SPATS2L: variants seen among roughly 807,000 people sequenced by gnomAD.
SPATS2L encodes the protein spermatogenesis associated serine rich 2 like.
SPATS2L carries 30 observed loss-of-function variants against 59.6 expected under a neutral mutation model. The ratio of observed to expected loss-of-function variants is 0.50; its 90% confidence interval spans 0.38 to 0.68. SPATS2L has a LOEUF of 0.68. SPATS2L is among the 30% of genes least tolerant of loss of function. The pLI is 0.00. For synonymous variants in SPATS2L, 252 were observed against 263.5 expected (o/e 0.96, Z 0.42); for missense variants, 615 against 700.0 (o/e 0.88, Z 1.37).
intron 8 of SPATS2L, among the ~76,000 whole-genome samples, chr2:200,443,849 C>T (rs1254361682): frequency 6.6e-6 from 1 of 152,086 alleles, no homozygotes; most frequent in Admixed American, 6.6e-5. Context: ...GTAAAATGAA[C>T]GAAATGATCT....
At chr2:200,317,748 T>C (rs2079427199) in intron 1 of SPATS2L, among the ~76,000 whole-genome samples, 1 of 152,152 alleles carries the variant, frequency 6.6e-6, no homozygotes, top group Non-Finnish European at 1.5e-5. Flanking sequence ...ACAAAGCAGG[T>C]TTTTGAATCT....
chr2:200,397,442 A>G (rs1299843463), intron 3 of SPATS2L, among the ~76,000 whole-genome samples: 1 of 152,178 alleles, frequency 6.6e-6, no homozygotes, highest in East Asian at 1.9e-4. Context: ...CTAACCTTGT[A>G]CACTGGAAAT....
chr2:200,410,780 T>G (rs564438980), intron 3 of SPATS2L, among the ~76,000 whole-genome samples: 1 of 152,206 alleles, frequency 6.6e-6, no homozygotes, highest in South Asian at 2.1e-4. Context: ...TGCAATCATT[T>G]GGTCAATGTG....
At chr2:200,376,345 G>A (rs1021348936) in intron 2 of SPATS2L, among the ~76,000 whole-genome samples, 3 of 152,170 alleles carry the variant, frequency 2.0e-5, no homozygotes, top group Non-Finnish European at 4.4e-5. Context: ...CTAGAATCCT[G>A]AGCATATAAT....
chr2:200,358,279 T>C (rs1489537135), intron 2 of SPATS2L, among the ~76,000 whole-genome samples: 1 of 152,212 alleles, frequency 6.6e-6, no homozygotes, highest in African/African-American at 2.4e-5. Flanking sequence ...AGATGAACTG[T>C]ACAAATGCAG....
At chr2:200,467,885 C>G (rs539726123) in intron 10 of SPATS2L, among the ~76,000 whole-genome samples, 2 of 151,972 alleles carry the variant, frequency 1.3e-5, no homozygotes, top group African/African-American at 4.8e-5. Flanking sequence ...CCCATAAATA[C>G]GTATTTATTA....
chr2:200,306,606 G>A, upstream of SPATS2L: 1 of 996,778 alleles, frequency 1.0e-6, no homozygotes. Flanking sequence ...CTCCTGGTGA[G>A]TGACACCGAG....
intron 2 of SPATS2L, among the ~76,000 whole-genome samples, chr2:200,375,169 T>C (rs553927488): frequency 6.6e-6 from 1 of 152,314 alleles, no homozygotes; most frequent in Admixed American, 6.5e-5. Flanking sequence ...GTAAAGTGCA[T>C]GTAGGTGCCA....
intron 9 of SPATS2L, among the ~76,000 whole-genome samples, chr2:200,462,663 C>G (rs2086319148): frequency 6.6e-6 from 1 of 152,138 alleles, no homozygotes; most frequent in Admixed American, 6.5e-5. Flanking sequence ...CACATATAAT[C>G]TCAGACCTTT....
intron 2 of SPATS2L, among the ~76,000 whole-genome samples, chr2:200,373,723 T>C (rs2081508025): frequency 6.6e-6 from 1 of 152,222 alleles, no homozygotes. Context: ...AACTCGCCTA[T>C]ATAATTTTAT....
At chr2:200,362,290 G>T (rs1308667454) in intron 2 of SPATS2L, among the ~76,000 whole-genome samples, 1 of 152,066 alleles carries the variant, frequency 6.6e-6, no homozygotes, top group African/African-American at 2.4e-5. Context: ...GAAATTTCTG[G>T]ATTAAATATT....
At chr2:200,427,954 C>A (rs997650121) in intron 6 of SPATS2L, among the ~76,000 whole-genome samples, 1 of 152,102 alleles carries the variant, frequency 6.6e-6, no homozygotes, top group African/African-American at 2.4e-5. Context: ...TGCCTGTAGT[C>A]CCAGCTGCTT....
At chr2:200,353,452 AT>A (rs2080807664) in intron 2 of SPATS2L, among the ~76,000 whole-genome samples, 1 of 152,180 alleles carries the variant, frequency 6.6e-6, no homozygotes, top group African/African-American at 2.4e-5. Flanking sequence ...TGTTATGAAA[AT>A]AAACCTCTCA....
intron 11 of SPATS2L, among the ~76,000 whole-genome samples, chr2:200,471,517 T>C (rs1197533366): frequency 6.6e-6 from 1 of 152,076 alleles, no homozygotes; most frequent in Non-Finnish European, 1.5e-5. Flanking sequence ...CTTACTAAAT[T>C]CCAGGTGTCC....
intron 5 of SPATS2L, among the ~76,000 whole-genome samples, chr2:200,417,506 G>T (rs751994320): frequency 1.3e-5 from 2 of 152,060 alleles, no homozygotes; most frequent in Non-Finnish European, 2.9e-5. Flanking sequence ...TGTGGTTTGG[G>T]TATTAGATTT....
intron 2 of SPATS2L, among the ~76,000 whole-genome samples, chr2:200,352,012 A>G (rs892459910): frequency 6.6e-6 from 1 of 152,026 alleles, no homozygotes; most frequent in Non-Finnish European, 1.5e-5. Context: ...TGGCTTGGGT[A>G]GTTTCCCATT....
intron 11 of SPATS2L, among the ~76,000 whole-genome samples, chr2:200,470,760 C>T (rs1574727611): frequency 6.6e-6 from 1 of 152,224 alleles, no homozygotes; most frequent in African/African-American, 2.4e-5. Context: ...TACTGTACTA[C>T]ACTGCATACA....
chr2:200,400,953 C>T (rs1393274225), intron 3 of SPATS2L, among the ~76,000 whole-genome samples: 2 of 152,150 alleles, frequency 1.3e-5, no homozygotes, highest in African/African-American at 4.8e-5. Context: ...ATAGTATCTT[C>T]CCCCATTAAA....
At chr2:200,385,418 G>A (rs2081959915) in intron 2 of SPATS2L, among the ~76,000 whole-genome samples, 1 of 152,204 alleles carries the variant, frequency 6.6e-6, no homozygotes, top group Non-Finnish European at 1.5e-5. Context: ...GGCAGATATA[G>A]TTCATAGCAG....
Sources: gnomAD v4.1 joint callset for allele counts (sites outside exome capture counted in the v4.1 genomes callset) on GRCh38, gnomAD v4.1.1 for gene constraint, MANE v1.5 for transcripts, NCBI Gene and HGNC (gene_info 2026-07-23, HGNC 2026-07-21) for gene names.